The following CUL5 variants were observed in gnomAD, a reference collection of about 807,000 sequenced individuals.
CUL5 encodes cullin 5.
In CUL5, 26 loss-of-function variants were observed where a neutral mutation model predicts 108.8. The observed-to-expected ratio is 0.24, with a 90% CI of 0.18 to 0.33. The LOEUF (loss-of-function observed/expected upper bound fraction) is 0.33. Ranked by LOEUF, CUL5 falls within the 10% of genes least tolerant of loss-of-function variation. The pLI is 1.00. For missense variants in CUL5, 524 were observed against 909.2 expected (o/e 0.58, Z 5.45); for synonymous variants, 334 against 298.0 (o/e 1.12, Z -1.25).
At chr11:108,083,913 G>T (rs548094709) in intron 11 of CUL5, among the ~76,000 whole-genome samples, 1 of 152,326 alleles carries the variant, frequency 6.6e-6, no homozygotes, top group African/African-American at 2.4e-5. Flanking sequence ...GCTGCATGCG[G>T]CCCAGGACGG....
intron 7 of CUL5, among the ~76,000 whole-genome samples, chr11:108,061,648 G>T (rs537155583): frequency 1.3e-5 from 2 of 151,326 alleles, no homozygotes; most frequent in Non-Finnish European, 1.5e-5. Flanking sequence ...TTCCCTCCCC[G>T]TTTTGCCTCC....
At chr11:108,097,235 C>G (rs1864524032) in intron 16 of CUL5, among the ~76,000 whole-genome samples, 1 of 152,188 alleles carries the variant, frequency 6.6e-6, no homozygotes, top group South Asian at 2.1e-4. Context: ...AGGCTGGTTT[C>G]AGACTCCTGA....
rs1406443872 is a variant in CUL5, at chr11:108,105,046, AGTT to A, written c.*669_*671del. The A allele has an allele frequency of 6.6e-6, 1 of 152,252 alleles. No homozygotes were observed. Among genetic ancestry groups the A allele is most frequent in the Non-Finnish European group, 1.5e-5 (1 of 67,928 alleles). 9.4% of individuals were successfully genotyped at this position (152,252 alleles called of 1,614,324 possible). ...TCTTTAAGCAGGAGACTGCTATTTT[AGTT>A]GTTGTTAAATGATGAGGAGTTTTTT... On this transcript the variant is annotated 3_prime_UTR_variant, in exon 19 of 19. Coordinates refer to ENST00000393094, the MANE Select transcript of CUL5 (RefSeq NM_003478.6).
In CUL5 at chr11:108,105,461, G is replaced by GA. The variant is rs1864772673; in HGVS notation, c.*1082dup. On this transcript the variant is annotated 3_prime_UTR_variant, in exon 19 of 19. Transcript: ENST00000393094. Reference sequence around the variant, plus strand: ...AGAGAAAAACCACAACATAAGACCTGAAAAACAGAAGCAAAATTGTTGCAC... The same window carrying GA: ...AGAGAAAAACCACAACATAAGACCTGAAAAAACAGAAGCAAAATTGTTGCAC... The GA allele has an allele frequency of 6.6e-6, 1 of 152,412 alleles. No homozygotes were observed. Among genetic ancestry groups the GA allele is most frequent in the Non-Finnish European group, 1.5e-5 (1 of 67,950 alleles). 9.4% of individuals were successfully genotyped at this position (152,412 alleles called of 1,614,324 possible). A position where few individuals can be genotyped will look rare whatever the true frequency, so the allele number is the denominator to read the frequency against.
chr11:108,099,907 T>A (rs183030502), intron 18 of CUL5, among the ~76,000 whole-genome samples: 1,817 of 137,672 alleles, frequency 0.013, 32 homozygotes, highest in African/African-American at 0.046. Context: ...AAAAAAAAAA[T>A]TTTTTTTTTT....
At chr11:108,048,375 G>A (rs1343169444) in intron 3 of CUL5, among the ~76,000 whole-genome samples, 1 of 152,018 alleles carries the variant, frequency 6.6e-6, no homozygotes, top group Non-Finnish European at 1.5e-5. Context: ...AGATGAATTT[G>A]CCTAAGCTTA....
At position 108,062,052 on chromosome 11, in the gene CUL5, C is replaced by T. The variant is rs151115184; in HGVS notation, c.780+7097C>T. 2.3e-4 allele frequency among the ~76,000 whole-genome samples: 35 copies of T among 152,250 alleles called. 1 individual carries two copies. The East Asian group carries it at 6.4e-3, about 28-fold the overall frequency. Reference sequence around the variant, plus strand: ...GTCTCAACACGTGGGAATTACAATTCGAGATGAAATTTGGCTGGGGATACA... The same window carrying T: ...GTCTCAACACGTGGGAATTACAATTTGAGATGAAATTTGGCTGGGGATACA... On this transcript the variant is annotated intron_variant, in intron 7 of 18. Coordinates refer to ENST00000393094, the MANE Select transcript of CUL5 (RefSeq NM_003478.6).
At chr11:108,068,985 T>C (rs186368549) in intron 7 of CUL5, among the ~76,000 whole-genome samples, 8 of 152,346 alleles carry the variant, frequency 5.3e-5, no homozygotes, top group African/African-American at 1.9e-4. Flanking sequence ...GGGCCAGGCC[T>C]GATGGTTCAC....
chr11:108,080,996 G>A (rs1032785364), intron 11 of CUL5, among the ~76,000 whole-genome samples: 6 of 150,384 alleles, frequency 4.0e-5, no homozygotes, highest in Admixed American at 2.7e-4. Context: ...TTATTTGAGA[G>A]TTTTATAGGG....
At chr11:108,061,909 G>C (rs1243874097) in intron 7 of CUL5, among the ~76,000 whole-genome samples, 1 of 152,110 alleles carries the variant, frequency 6.6e-6, no homozygotes, top group Non-Finnish European at 1.5e-5. Context: ...GAGAGAGAGA[G>C]AGAGAGAATG....
chr11:108,048,736 G>A (rs945175782), intron 3 of CUL5, among the ~76,000 whole-genome samples: 5 of 143,146 alleles, frequency 3.5e-5, no homozygotes, highest in East Asian at 2.0e-4. Context: ...GCGCGATCTC[G>A]GCTCACTACA....
At chr11:108,018,402 C>T (rs1049879364) in intron 1 of CUL5, among the ~76,000 whole-genome samples, 2 of 152,112 alleles carry the variant, frequency 1.3e-5, no homozygotes, top group Admixed American at 1.3e-4. Context: ...GGTGATGGCG[C>T]ATGCCTATAA....
In CUL5 at chr11:108,089,531, A is replaced by G; in HGVS notation, c.1351A>G (p.Met451Val). 1.3e-6 allele frequency: 2 copies of G among 1,559,014 alleles called. No individual in the cohort carries two copies. The highest frequency in any genetic ancestry group is 1.2e-5 in the South Asian group (1 of 81,366). ...LKYVQNKDVF[M>V]RYHKAHLTRR... ...GTATGTACAGAACAAAGATGTTTTT[A>G]TGAGGTATCATAAAGCTCATTTGAC... The change falls in exon 13 of 19, where the codon ATG becomes GTG. Residue 451 changes from methionine (M) to valine (V), a missense_variant. By Grantham distance (21) the Met-to-Val change is conservative (BLOSUM62 1). Around this residue, in one of 8 missense-constraint regions of CUL5, gnomAD observed 76 missense variants for 168.3 expected, o/e 0.45. Coordinates refer to ENST00000393094, the MANE Select transcript of CUL5 (RefSeq NM_003478.6).
intron 13 of CUL5, among the ~76,000 whole-genome samples, chr11:108,091,695 TCACACACACACACACACA>T (rs71303233): frequency 7.2e-6 from 1 of 138,096 alleles, no homozygotes; most frequent in Non-Finnish European, 1.5e-5. Flanking sequence ...TCTCTCTCAC[TCACACACACACACACACA>T]CACACACACA....
chr11:108,057,381 C>T (rs1565250265), intron 7 of CUL5, among the ~76,000 whole-genome samples: 1 of 152,050 alleles, frequency 6.6e-6, no homozygotes, highest in East Asian at 1.9e-4. Flanking sequence ...TTCAAAGTAT[C>T]GTCCCCAAGA....
intron 16 of CUL5, among the ~76,000 whole-genome samples, chr11:108,097,126 T>G (rs1427988607): frequency 6.6e-6 from 1 of 152,146 alleles, no homozygotes; most frequent in Non-Finnish European, 1.5e-5. Context: ...CAAGCGATCC[T>G]CCCACCTGAG....
chr11:108,075,373 C>T (rs1863918228), intron 10 of CUL5, among the ~76,000 whole-genome samples: 1 of 152,122 alleles, frequency 6.6e-6, no homozygotes, highest in African/African-American at 2.4e-5. Flanking sequence ...TCCTGCCTGC[C>T]ACTTGCATAG....
At chr11:108,022,842 C>T (rs1483361073) in intron 1 of CUL5, among the ~76,000 whole-genome samples, 4 of 152,050 alleles carry the variant, frequency 2.6e-5, no homozygotes. Context: ...ACAGCAAGAC[C>T]CCATCTCTAA....
At position 108,049,947 on chromosome 11, in the gene CUL5, C is replaced by A; in HGVS notation, c.292C>A (p.Arg98=). The change falls in exon 4 of 19, where the codon CGA becomes AGA. Residue 98 remains arginine (R), a synonymous_variant. Transcript: ENST00000393094. ...GCTAAAAGCATATATTGTTGAATGGCGAAAGTTCTTTACACAATGTGATAT... is the reference window on the plus strand; with the variant it reads ...GCTAAAAGCATATATTGTTGAATGGAGAAAGTTCTTTACACAATGTGATAT... ...ALLKAYIVEW[R]KFFTQCDILP... 6.2e-7 allele frequency: 1 copy of A among 1,613,112 alleles called. No individual in the cohort carries two copies. The highest frequency in any genetic ancestry group is 1.1e-5 in the South Asian group (1 of 91,020).
Sources: gnomAD v4.1 joint callset for allele counts (sites outside exome capture counted in the v4.1 genomes callset) on GRCh38, gnomAD v4.1.1 for gene constraint, gnomAD v4.1.1 regional missense constraint, MANE v1.5 for transcripts, NCBI Gene and HGNC (gene_info 2026-07-23, HGNC 2026-07-21) for gene names.